Variants in LRRC4C observed in about 807,000 individuals in gnomAD.
The protein encoded by LRRC4C is leucine rich repeat containing 4C, also known as leucine-rich repeat-containing protein 4C.
LRRC4C carries 5 observed loss-of-function variants against 33.6 expected under a neutral mutation model. That is an observed-to-expected ratio of 0.15 (90% CI 0.08 to 0.31). The LOEUF is 0.31. Among genes scored for constraint, LRRC4C ranks in the 10% least tolerant of loss-of-function variants. The pLI is 1.00. For missense variants in LRRC4C, 560 were observed against 796.7 expected (o/e 0.70, Z 3.58); for synonymous variants, 329 against 302.0 (o/e 1.09, Z -0.93).
intron 3 of LRRC4C, among the ~76,000 whole-genome samples, chr11:40,469,320 C>A (rs907397491): frequency 6.6e-6 from 1 of 152,144 alleles, no homozygotes; most frequent in Non-Finnish European, 1.5e-5. Context: ...CCATGAGGGA[C>A]CATGCCGTGA....
chr11:40,639,486 A>G (rs181870081), intron 3 of LRRC4C, among the ~76,000 whole-genome samples: 1 of 152,338 alleles, frequency 6.6e-6, no homozygotes, highest in Non-Finnish European at 1.5e-5. Context: ...ATTTTTCAGT[A>G]CACCATTGGT....
chr11:41,360,183 AAAACAAACAAAC>A, intron 1 of LRRC4C, among the ~76,000 whole-genome samples: 1 of 152,222 alleles, frequency 6.6e-6, no homozygotes, highest in South Asian at 2.1e-4. Context: ...ACCCTGTCTC[AAAACAAACAAAC>A]AAACAAACAA....
At chr11:40,945,653 T>C (rs1333300260) in intron 1 of LRRC4C, among the ~76,000 whole-genome samples, 2 of 152,112 alleles carry the variant, frequency 1.3e-5, no homozygotes, top group Admixed American at 6.6e-5. Flanking sequence ...GAATCAGCAG[T>C]GTAACCCAGA....
chr11:40,905,119 C>T (rs1004754932), intron 2 of LRRC4C, among the ~76,000 whole-genome samples: 52 of 152,130 alleles, frequency 3.4e-4, no homozygotes, highest in Middle Eastern at 6.8e-3. Context: ...CCAGCAGGCA[C>T]CAATTAAAGG....
chr11:40,710,171 C>A (rs1055050977), intron 2 of LRRC4C, among the ~76,000 whole-genome samples: 6 of 152,132 alleles, frequency 3.9e-5, no homozygotes, highest in African/African-American at 1.4e-4. Context: ...TTATTACCGA[C>A]TTTCTGAAGC....
At chr11:41,442,608 T>G (rs1955669205) in intron 1 of LRRC4C, among the ~76,000 whole-genome samples, 1 of 151,482 alleles carries the variant, frequency 6.6e-6, no homozygotes, top group Non-Finnish European at 1.5e-5. Context: ...TAGCTGGGAC[T>G]ACAGGCGCCC....
At chr11:40,465,694 A>C (rs1952616826) in intron 3 of LRRC4C, among the ~76,000 whole-genome samples, 1 of 152,062 alleles carries the variant, frequency 6.6e-6, no homozygotes, top group Admixed American at 6.6e-5. Context: ...GCTTATGAAT[A>C]AATGCTCAAC....
At chr11:41,040,045 G>T (rs1338361244) in intron 1 of LRRC4C, among the ~76,000 whole-genome samples, 1 of 151,034 alleles carries the variant, frequency 6.6e-6, no homozygotes, top group African/African-American at 2.4e-5. Context: ...GGCTGAGGCA[G>T]GAGGATGGCG....
chr11:40,299,162 A>C (rs1448920181), intron 4 of LRRC4C, among the ~76,000 whole-genome samples: 3 of 152,222 alleles, frequency 2.0e-5, no homozygotes, highest in Non-Finnish European at 4.4e-5. Context: ...TGTCCACATT[A>C]GTGACCATCT....
Position 40,854,025 on chromosome 11 carries a change from C to T in LRRC4C, c.-407+79610G>A, listed in dbSNP as rs192378715. On this transcript the variant is annotated intron_variant, in intron 2 of 6. Transcript: ENST00000528697. Reference sequence around the variant, plus strand: ...ACAATTCAAATAAAACTACTCTCTTCTCAAACGATGCCTTCTTGAAACCAG... The same window carrying T: ...ACAATTCAAATAAAACTACTCTCTTTTCAAACGATGCCTTCTTGAAACCAG... Among the ~76,000 whole-genome samples, 820 of 140,972 alleles carry T rather than the reference C, an allele frequency of 5.8e-3. 7 individuals are homozygous for T. Among genetic ancestry groups the T allele is most frequent in the African/African-American group, 0.023 (783 of 33,616 alleles). The allele number at this position is 140,972 out of a possible 152,430, so 92.5% of individuals were successfully genotyped here. A position where few individuals can be genotyped will look rare whatever the true frequency, so the allele number is the denominator to read the frequency against.
chr11:40,976,892 A>G (rs1252678368), intron 1 of LRRC4C, among the ~76,000 whole-genome samples: 3 of 152,136 alleles, frequency 2.0e-5, no homozygotes, highest in Admixed American at 2.0e-4. Flanking sequence ...TGATTCAAGT[A>G]CATTACATTA....
At chr11:41,053,769 T>G (rs912836962) in intron 1 of LRRC4C, among the ~76,000 whole-genome samples, 1 of 152,196 alleles carries the variant, frequency 6.6e-6, no homozygotes, top group Non-Finnish European at 1.5e-5. Flanking sequence ...TTGAGATTAT[T>G]TTAAAGGGAA....
chr11:40,409,293 A>G (rs1950071412), intron 3 of LRRC4C, among the ~76,000 whole-genome samples: 1 of 151,984 alleles, frequency 6.6e-6, no homozygotes, highest in African/African-American at 2.4e-5. Flanking sequence ...CTGTAAAACT[A>G]TCAGAAGAAA....
At chr11:40,859,210 A>G (rs1441331796) in intron 2 of LRRC4C, among the ~76,000 whole-genome samples, 1 of 152,240 alleles carries the variant, frequency 6.6e-6, no homozygotes, top group Non-Finnish European at 1.5e-5. Flanking sequence ...TACAGGTTCT[A>G]GAGTCCAAGC....
intron 3 of LRRC4C, among the ~76,000 whole-genome samples, chr11:40,390,393 AAACTT>A (rs1363369931): frequency 1.8e-4 from 28 of 152,328 alleles, no homozygotes; most frequent in South Asian, 1.0e-3. Flanking sequence ...AGAATATCTT[AAACTT>A]AACTAATTAT....
At chr11:40,418,146 T>C (rs750657647) in intron 3 of LRRC4C, among the ~76,000 whole-genome samples, 15 of 152,064 alleles carry the variant, frequency 9.9e-5, no homozygotes, top group Non-Finnish European at 1.8e-4. Flanking sequence ...GGGACAAGAA[T>C]ATTGACAGGC....
chr11:41,296,308 T>G (rs1238589693), intron 1 of LRRC4C, among the ~76,000 whole-genome samples: 2 of 139,642 alleles, frequency 1.4e-5, no homozygotes, highest in Non-Finnish European at 3.2e-5. Context: ...TGACAAATTA[T>G]GCTGTGCTTT....
chr11:40,761,767 T>G (rs1949222774), intron 2 of LRRC4C, among the ~76,000 whole-genome samples: 1 of 152,172 alleles, frequency 6.6e-6, no homozygotes. Flanking sequence ...TGCTGTATCT[T>G]AAGGTGAGGC....
intron 5 of LRRC4C, among the ~76,000 whole-genome samples, chr11:40,152,780 A>G (rs1451839916): frequency 6.6e-6 from 1 of 152,166 alleles, no homozygotes; most frequent in African/African-American, 2.4e-5. Context: ...CAGCAGCCAC[A>G]GCAAGACATG....
Sources: gnomAD v4.1 joint callset for allele counts (sites outside exome capture counted in the v4.1 genomes callset) on GRCh38, gnomAD v4.1.1 for gene constraint, MANE v1.5 for transcripts, NCBI Gene and HGNC (gene_info 2026-07-23, HGNC 2026-07-21) for gene names.